Variants in PCDHGA1 observed in about 807,000 individuals in gnomAD.
PCDHGA1 encodes the protein protocadherin gamma-A1.
PCDHGA1 carries 32 observed loss-of-function variants against 58.0 expected under a neutral mutation model. The ratio of observed to expected loss-of-function variants is 0.55; its 90% CI spans 0.42 to 0.74. The LOEUF is 0.74. Ranked by LOEUF, PCDHGA1 falls within the 30% of genes least tolerant of loss-of-function variation. The pLI, the probability that PCDHGA1 is intolerant of heterozygous loss-of-function variation, is 0.00. For synonymous variants in PCDHGA1, 498 were observed against 501.1 expected (o/e 0.99, Z 0.08); for missense variants, 1,205 against 1,182.3 (o/e 1.02, Z -0.28).
chr5:141,494,021 G>C (rs1036188621), intron 1 of PCDHGA1, among the ~76,000 whole-genome samples: 2 of 152,158 alleles, frequency 1.3e-5, no homozygotes, highest in African/African-American at 2.4e-5. Context: ...CCCCTTGGGA[G>C]CCCTGGAGAC....
At position 141,490,591 on chromosome 5, in the gene PCDHGA1, G is replaced by A; in HGVS notation, c.2422-4216G>A. 1 of 1,614,100 alleles carries A rather than the reference G, an allele frequency of 6.2e-7. No homozygotes were observed. Among genetic ancestry groups the A allele is most frequent in the African/African-American group, 1.3e-5 (1 of 75,016 alleles). ...CAACATTTCAGATGTCAATGACAAT[G>A]CACCCCGCTTCAACCAGCAGCTTTA... On this transcript the variant is annotated intron_variant, in intron 1 of 3. Coordinates refer to ENST00000517417, the MANE Select transcript of PCDHGA1 (RefSeq NM_018912.3). This position sits in a 1 kb window ranked among gnomAD's most constrained non-coding sequence, Gnocchi z 5.4.
intron 1 of PCDHGA1, chr5:141,341,410 CACA>C: frequency 6.2e-7 from 1 of 1,614,122 alleles, no homozygotes; most frequent in East Asian, 2.2e-5. Context: ...TCTATCTTTT[CACA>C]ACATACGTAC....
At chr5:141,383,517 G>A (rs374823629) in intron 1 of PCDHGA1, 1 of 1,612,492 alleles carries the variant, frequency 6.2e-7, no homozygotes, top group Non-Finnish European at 8.5e-7. Context: ...AGGAAGAGCG[G>A]GTTCACCACC....
intron 1 of PCDHGA1, among the ~76,000 whole-genome samples, chr5:141,454,628 A>C (rs1008375225): frequency 1.3e-4 from 19 of 151,334 alleles, no homozygotes; most frequent in African/African-American, 4.4e-4. Context: ...CTGGTCTCGA[A>C]CCCCCAACCT....
In PCDHGA1 at chr5:141,490,028, G is replaced by A. The variant is rs752883792; in HGVS notation, c.2422-4779G>A. ...GCACCCATTGGTACTCTGCTGCTCC[G>A]CCTCAATGCCACTGATCCAGACGAG... On this transcript the variant is annotated intron_variant, in intron 1 of 3. Coordinates refer to ENST00000517417, the MANE Select transcript of PCDHGA1 (RefSeq NM_018912.3). The surrounding 1 kb of genome is among the most constrained non-coding windows in gnomAD (Gnocchi z 5.4). 20 of 1,614,070 alleles carry A rather than the reference G, an allele frequency of 1.2e-5. 1 individual carries two copies. Among genetic ancestry groups the A allele is most frequent in the South Asian group, 3.3e-5 (3 of 91,090 alleles).
chr5:141,506,109 A>G (rs1027886504), intron 3 of PCDHGA1, among the ~76,000 whole-genome samples: 5 of 152,126 alleles, frequency 3.3e-5, no homozygotes, highest in Middle Eastern at 3.2e-3. Flanking sequence ...GTCCCTGAAG[A>G]GTCACTAGGG....
At position 141,431,368 on chromosome 5, in the gene PCDHGA1, A is replaced by G; in HGVS notation, c.2422-63439A>G. On this transcript the variant is annotated intron_variant, in intron 1 of 3. Coordinates refer to ENST00000517417, the MANE Select transcript of PCDHGA1 (RefSeq NM_018912.3). The surrounding 1 kb of genome is among the most constrained non-coding windows in gnomAD (Gnocchi z 4.8). ...TGCTGAAACGCGCCCTGGACCGCGA[A>G]GAAAAGGCTGCTCACCACCTGGTCC... 1.9e-6 allele frequency: 3 copies of G among 1,614,002 alleles called. No individual in the cohort carries two copies. The highest frequency in any genetic ancestry group is 2.5e-6 in the Non-Finnish European group (3 of 1,180,034).
Position 141,389,309 on chromosome 5 carries a change from T to G in PCDHGA1, c.2421+56204T>G, listed in dbSNP as rs763262842. Reference sequence around the variant, plus strand: ...CCTCTATTTCACAAGTCAGGGCTTCTGATCCGGACTTGGGGCCCAACGGCC... The same window carrying G: ...CCTCTATTTCACAAGTCAGGGCTTCGGATCCGGACTTGGGGCCCAACGGCC... On this transcript the variant is annotated intron_variant, in intron 1 of 3. Transcript: ENST00000517417. 8 of 1,614,018 alleles carry G rather than the reference T, an allele frequency of 5.0e-6. No individual in the cohort carries two copies. The South Asian group carries it at 5.5e-5, about 11-fold the overall frequency.
chr5:141,415,404 C>A lies in PCDHGA1; in HGVS notation c.2422-79403C>A, dbSNP rs199662613. On this transcript the variant is annotated intron_variant, in intron 1 of 3. Transcript: ENST00000517417. ...GCTTGACAGGTGTGTCCGGCTCGCA[C>A]TTTGTGGGCGTGGACGGGGTTCGGG... The A allele has an allele frequency of 2.2e-4, 363 of 1,614,238 alleles. 1 individual carries two copies. Among genetic ancestry groups the A allele is most frequent in the Non-Finnish European group, 6.8e-6 (8 of 1,180,048 alleles).
At chr5:141,389,985 T>C (rs754723585) in intron 1 of PCDHGA1, 5 of 1,614,006 alleles carry the variant, frequency 3.1e-6, no homozygotes, top group Non-Finnish European at 4.2e-6. Flanking sequence ...CTCAGTGCTC[T>C]TCCTCGTGGC....
Position 141,477,439 on chromosome 5 carries a change from A to C in PCDHGA1, c.2422-17368A>C. 1 of 1,614,142 alleles carries C rather than the reference A, an allele frequency of 6.2e-7. No homozygotes were observed. Among genetic ancestry groups the C allele is most frequent in the Non-Finnish European group, 8.5e-7 (1 of 1,180,016 alleles). On this transcript the variant is annotated intron_variant, in intron 1 of 3. Transcript: ENST00000517417. This position sits in a 1 kb window ranked among gnomAD's most constrained non-coding sequence, Gnocchi z 4.9. ...GAACCCCTTCCCTCTCAGCCCTTAC[A>C]ATAGTGCGTGTTCAAGTGTCCGACA... is the stretch of plus-strand genomic sequence containing the variant.
At chr5:141,428,618 T>C (rs554092834) in intron 1 of PCDHGA1, 1 of 206,012 alleles carries the variant, frequency 4.9e-6, no homozygotes, top group African/African-American at 2.3e-5. Context: ...AATAACAAGA[T>C]AAGCTCTAAC....
Position 141,375,092 on chromosome 5 carries a change from A to G in PCDHGA1, c.2421+41987A>G, listed in dbSNP as rs775722663. On this transcript the variant is annotated intron_variant, in intron 1 of 3. Coordinates refer to ENST00000517417, the MANE Select transcript of PCDHGA1 (RefSeq NM_018912.3). ...AGACAGAGCGAAAGTCTTAATAACT[A>G]TCTTGGATGTCAATGATAATGTACC... 20 of 1,613,866 alleles carry G rather than the reference A, an allele frequency of 1.2e-5. No individual in the cohort carries two copies. In the Middle Eastern group the frequency reaches 6.6e-4, roughly 53 times the overall value.
chr5:141,511,118 C>T lies in PCDHGA1; in HGVS notation c.2741C>T (p.Ala914Val), dbSNP rs1352222210. 1.2e-6 allele frequency: 2 copies of T among 1,614,094 alleles called. No individual in the cohort carries two copies. The highest frequency in any genetic ancestry group is 1.7e-6 in the Non-Finnish European group (2 of 1,180,022). The change falls in exon 4 of 4, where the codon GCC (alanine) becomes GTC (valine). Residue 914 changes from alanine to valine, a missense_variant. Coordinates refer to ENST00000517417, the MANE Select transcript of PCDHGA1 (RefSeq NM_018912.3). ...GCAGCTGGCAAGCGGGATGGCAAGG[C>T]CCCAGCAGGTGGCAATGGCAACAAG... is the stretch of plus-strand genomic sequence containing the variant. ...TNAAGKRDGK[A>V]PAGGNGNKKK... is the part of the protein sequence containing the mutation.
In PCDHGA1 at chr5:141,331,058, A is replaced by T; in HGVS notation, c.374A>T (p.Asp125Val). The change falls in exon 1 of 4, where the codon GAT (aspartate) becomes GTT (valine). Residue 125 changes from aspartate to valine, a missense_variant. Physicochemically the swap from Asp to Val is radical, Grantham distance 152. Transcript: ENST00000517417. ...TTTCCTGTTGAAGTAGAAATAATTG[A>T]TATTAATGACAACACTCCCCAATTC... ...KLFPVEVEII[D>V]INDNTPQFQL... 1 of 1,614,198 alleles carries T rather than the reference A, an allele frequency of 6.2e-7. No individual in the cohort carries two copies. The highest frequency in any genetic ancestry group is 1.1e-5 in the South Asian group (1 of 91,084).
intron 1 of PCDHGA1, chr5:141,418,959 C>A: frequency 6.2e-7 from 1 of 1,613,976 alleles, no homozygotes; most frequent in East Asian, 2.2e-5. Flanking sequence ...GTGGTTGTTG[C>A]CCTCTTCAAA....
At chr5:141,409,502 T>G (rs1311120933) in intron 1 of PCDHGA1, 17 of 1,613,868 alleles carry the variant, frequency 1.1e-5, no homozygotes, top group Non-Finnish European at 1.4e-5. Context: ...GCCTCTTTCT[T>G]CCAGTAGAAG....
At chr5:141,450,790 A>G (rs2098694056) in intron 1 of PCDHGA1, among the ~76,000 whole-genome samples, 1 of 148,832 alleles carries the variant, frequency 6.7e-6, no homozygotes, top group Admixed American at 6.7e-5. Context: ...CCCGGACCTC[A>G]TGATTGTATT....
intron 1 of PCDHGA1, among the ~76,000 whole-genome samples, chr5:141,401,300 C>A (rs1169689828): frequency 1.3e-5 from 2 of 152,200 alleles, no homozygotes; most frequent in African/African-American, 4.8e-5. Context: ...CGAGATCACT[C>A]CATTGCATTC....
Sources: gnomAD v4.1 joint callset for allele counts (sites outside exome capture counted in the v4.1 genomes callset) on GRCh38, gnomAD v4.1.1 for gene constraint, Gnocchi (gnomAD v3.1) non-coding constraint, MANE v1.5 for transcripts, NCBI Gene and HGNC (gene_info 2026-07-23, HGNC 2026-07-21) for gene names.